Variants in DNAJC24 observed in about 807,000 individuals in gnomAD.
DNAJC24 encodes DnaJ heat shock protein family (Hsp40) member C24.
A neutral mutation model predicts 18.0 loss-of-function variants in DNAJC24; 17 were observed. That is an observed-to-expected ratio of 0.94 (90% CI 0.65 to 1.42). The LOEUF is 1.42. Ranked by LOEUF, DNAJC24 falls within the 40% of genes most tolerant of loss-of-function variation. The pLI, the probability that DNAJC24 is intolerant of heterozygous loss-of-function variation, is 0.00. For synonymous variants in DNAJC24, 55 were observed against 57.7 expected (o/e 0.95, Z 0.21); for missense variants, 158 against 175.6 (o/e 0.90, Z 0.57).
chr11:31,402,040 GTGT>G (rs1952605774), intron 2 of DNAJC24, among the ~76,000 whole-genome samples: 1 of 152,208 alleles, frequency 6.6e-6, no homozygotes, highest in African/African-American at 2.4e-5. Flanking sequence ...TCCGAGAAAT[GTGT>G]TGTTAGGCAA....
At chr11:31,426,260 TTAAG>T (rs1952860085) in intron 3 of DNAJC24, 23 bp from the exon 4 acceptor site, 1 of 1,393,668 alleles carries the variant, frequency 7.2e-7, no homozygotes, top group African/African-American at 1.5e-5. Context: ...TGTTTTACAA[TTAAG>T]TGTCATGTTT....
intron 2 of DNAJC24, among the ~76,000 whole-genome samples, chr11:31,388,170 TAG>T (rs955501376): frequency 2.6e-5 from 4 of 151,100 alleles, no homozygotes; most frequent in South Asian, 2.1e-4. Flanking sequence ...AAAGTGGAGG[TAG>T]AGAGAGAGAG....
Position 31,432,594 on chromosome 11 carries a change from A to T in DNAJC24, c.*2193A>T, listed in dbSNP as rs1251718246. On this transcript the variant is annotated 3_prime_UTR_variant, in exon 5 of 5. Transcript: ENST00000465995. The stretch of plus-strand genomic sequence containing the variant: ...CTGTAAAATCAAAATGAGGTTGAAG[A>T]CAATTAGTGAAAGTAATGTTATAGT... The T allele has an allele frequency of 6.7e-7, 1 of 1,496,738 alleles. No homozygotes were observed. Among genetic ancestry groups the T allele is most frequent in the Non-Finnish European group, 9.3e-7 (1 of 1,073,322 alleles). The allele number at this position is 1,496,738 out of a possible 1,614,324, so 92.7% of individuals were successfully genotyped here.
At position 31,432,510 on chromosome 11, in the gene DNAJC24, G is replaced by A. The variant is rs1184908167; in HGVS notation, c.*2109G>A. 3 of 1,610,986 alleles carry A rather than the reference G, an allele frequency of 1.9e-6. No individual in the cohort carries two copies. The highest frequency in any genetic ancestry group is 2.2e-5 in the South Asian group (2 of 90,974). On this transcript the variant is annotated 3_prime_UTR_variant, in exon 5 of 5. Coordinates refer to ENST00000465995, the MANE Select transcript of DNAJC24 (RefSeq NM_181706.5). ...AAGAATAAATGCTTACTAATCATCA[G>A]AAAATCTGTGGCCATTAGGGCTGGC...
intron 2 of DNAJC24, among the ~76,000 whole-genome samples, chr11:31,397,491 T>C (rs62871162): frequency 7.3e-6 from 1 of 137,708 alleles, no homozygotes; most frequent in Non-Finnish European, 1.6e-5. Context: ...TTTTTTTTTT[T>C]TTCAGCTTTC....
intron 3 of DNAJC24, chr11:31,415,626 A>T (rs1952745438): frequency 6.6e-6 from 1 of 152,226 alleles, no homozygotes; most frequent in Admixed American, 6.5e-5. Flanking sequence ...TGGCCTAGGG[A>T]CAGGAGTCCC....
intron 2 of DNAJC24, among the ~76,000 whole-genome samples, chr11:31,387,108 C>T (rs188467437): frequency 6.6e-5 from 10 of 152,284 alleles, no homozygotes; most frequent in African/African-American, 9.6e-5. Context: ...TAGACTCCTA[C>T]GATTCCAACT....
In DNAJC24 at chr11:31,405,172, C is replaced by T. The variant is rs560212941; in HGVS notation, c.112-9639C>T. Among the ~76,000 whole-genome samples, 11 of 150,734 alleles carry T rather than the reference C, an allele frequency of 7.3e-5. No individual in the cohort carries two copies. The East Asian group carries it at 1.6e-3, about 21-fold the overall frequency. ...GCAACCTCCGCTTCCCAGATTCCAG[C>T]GATTCTCCTGCCTCAGCCTCCCGAG... On this transcript the variant is annotated intron_variant, in intron 2 of 4. Transcript: ENST00000465995.
rs1460177800 is a variant in DNAJC24 at position 31,373,203 on chromosome 11, ATG to A, written c.111+2350_111+2351del. Among the ~76,000 whole-genome samples the A allele has an allele frequency of 1.5e-5, 2 of 134,724 alleles. 1 individual carries two copies. Among genetic ancestry groups the A allele is most frequent in the Non-Finnish European group, 3.4e-5 (2 of 58,342 alleles). 88.4% of individuals were successfully genotyped at this position (134,724 alleles called of 152,430 possible). ...GTTTTGACAAAATATAATTTATCAAATGTGTGTTTTTATAGTTAATACTTTCC... is the reference window on the plus strand; with the variant it reads ...GTTTTGACAAAATATAATTTATCAAATGTGTTTTTATAGTTAATACTTTCC... On this transcript the variant is annotated intron_variant, in intron 2 of 4. Coordinates refer to ENST00000465995, the MANE Select transcript of DNAJC24 (RefSeq NM_181706.5).
intron 2 of DNAJC24, among the ~76,000 whole-genome samples, chr11:31,401,349 ACTGT>A (rs1313046279): frequency 1.3e-5 from 2 of 152,188 alleles, no homozygotes; most frequent in Non-Finnish European, 2.9e-5. Context: ...GCACAGCTTT[ACTGT>A]CTTTCAGTGT....
At chr11:31,419,488 G>A (rs1591920626) in intron 3 of DNAJC24, among the ~76,000 whole-genome samples, 1 of 152,024 alleles carries the variant, frequency 6.6e-6, no homozygotes, top group Non-Finnish European at 1.5e-5. Context: ...CAATGAAAAT[G>A]TATTTTAGGA....
chr11:31,411,933 G>A (rs1952714358), intron 2 of DNAJC24, among the ~76,000 whole-genome samples: 1 of 152,110 alleles, frequency 6.6e-6, no homozygotes, highest in African/African-American at 2.4e-5. Flanking sequence ...TTGGACCAAG[G>A]CTTTAAGCAT....
At chr11:31,406,729 G>A (rs1411324507) in intron 2 of DNAJC24, among the ~76,000 whole-genome samples, 1 of 152,142 alleles carries the variant, frequency 6.6e-6, no homozygotes, top group Non-Finnish European at 1.5e-5. Flanking sequence ...GATGATTGCT[G>A]GGGACTAGTT....
At chr11:31,411,126 C>T (rs1276749502) in intron 2 of DNAJC24, among the ~76,000 whole-genome samples, 1 of 152,040 alleles carries the variant, frequency 6.6e-6, no homozygotes, top group African/African-American at 2.4e-5. Context: ...CATAATGAGT[C>T]GACCTCCCAC....
intron 2 of DNAJC24, among the ~76,000 whole-genome samples, chr11:31,386,636 G>A (rs759320260): frequency 2.0e-5 from 3 of 151,808 alleles, no homozygotes; most frequent in Non-Finnish European, 4.4e-5. Flanking sequence ...TAAGACGCAG[G>A]GCTGTGCTGG....
chr11:31,378,719 G>T (rs1225683193), intron 2 of DNAJC24, among the ~76,000 whole-genome samples: 1 of 151,944 alleles, frequency 6.6e-6, no homozygotes, highest in Non-Finnish European at 1.5e-5. Flanking sequence ...TAGAGAAAAG[G>T]TATTATTTAT....
chr11:31,402,530 AC>A (rs1179228634), intron 2 of DNAJC24, among the ~76,000 whole-genome samples: 3 of 152,178 alleles, frequency 2.0e-5, no homozygotes, highest in African/African-American at 7.2e-5. Context: ...AATTATAGAG[AC>A]AGGGTCTTGC....
intron 2 of DNAJC24, among the ~76,000 whole-genome samples, chr11:31,389,356 G>C (rs1397703820): frequency 6.6e-6 from 1 of 151,866 alleles, no homozygotes; most frequent in African/African-American, 2.4e-5. Context: ...AGAGTAAAAG[G>C]AGCTATACTT....
intron 3 of DNAJC24, among the ~76,000 whole-genome samples, chr11:31,421,534 A>T (rs1000294106): frequency 6.6e-6 from 1 of 152,210 alleles, no homozygotes; most frequent in African/African-American, 2.4e-5. Flanking sequence ...TTTTGGCCAG[A>T]TGGGGTTGAA....
Sources: gnomAD v4.1 joint callset for allele counts (sites outside exome capture counted in the v4.1 genomes callset) on GRCh38, gnomAD v4.1.1 for gene constraint, MANE v1.5 for transcripts, NCBI Gene and HGNC (gene_info 2026-07-23, HGNC 2026-07-21) for gene names.